The following NRXN1 variants were observed in gnomAD, a reference collection of about 807,000 sequenced individuals.
NRXN1 encodes neurexin 1.
A neutral mutation model predicts 150.9 loss-of-function variants in NRXN1; 39 were observed. The observed-to-expected ratio is 0.26, with a 90% CI of 0.20 to 0.34. NRXN1 has a LOEUF of 0.34. NRXN1 is among the 10% of genes least tolerant of loss of function. NRXN1 has a pLI of 1.00. For synonymous variants in NRXN1, 924 were observed against 757.0 expected (o/e 1.22, Z -3.62); for missense variants, 1,815 against 1,949.9 (o/e 0.93, Z 1.30).
intron 5 of NRXN1, among the ~76,000 whole-genome samples, chr2:50,806,260 C>A (rs1016456243): frequency 5.3e-5 from 8 of 152,116 alleles, no homozygotes. Context: ...TGTGTATCAG[C>A]TTGAGTTGGA....
chr2:50,398,841 T>C (rs79538981), intron 17 of NRXN1, among the ~76,000 whole-genome samples: 2,235 of 152,254 alleles, frequency 0.015, 55 homozygotes, highest in African/African-American at 0.049. Context: ...GTATGCTATT[T>C]AATTATCAGC....
intron 8 of NRXN1, among the ~76,000 whole-genome samples, chr2:50,571,608 C>A (rs1175058265): frequency 6.6e-6 from 1 of 151,344 alleles, no homozygotes; most frequent in Non-Finnish European, 1.5e-5. Flanking sequence ...ATAGTGAGAT[C>A]ATAAAATGAG....
intron 5 of NRXN1, among the ~76,000 whole-genome samples, chr2:50,751,253 A>G (rs1700563120): frequency 6.6e-6 from 1 of 152,064 alleles, no homozygotes; most frequent in South Asian, 2.1e-4. Flanking sequence ...TATTACATGA[A>G]TATTTAGTTT....
At chr2:50,071,180 G>C (rs1344099574) in intron 19 of NRXN1, among the ~76,000 whole-genome samples, 2 of 152,124 alleles carry the variant, frequency 1.3e-5, no homozygotes, top group Non-Finnish European at 2.9e-5. Flanking sequence ...GTATAACTCT[G>C]GCCTGATTAA....
intron 17 of NRXN1, among the ~76,000 whole-genome samples, chr2:50,326,260 C>T (rs1478348177): frequency 6.6e-6 from 1 of 152,034 alleles, no homozygotes; most frequent in East Asian, 1.9e-4. Context: ...CAAGCAATTT[C>T]AACTAAAACT....
intron 5 of NRXN1, among the ~76,000 whole-genome samples, chr2:50,652,155 T>C (rs1253338502): frequency 6.6e-6 from 1 of 152,018 alleles, no homozygotes; most frequent in African/African-American, 2.4e-5. Context: ...GCCATCCCCA[T>C]CCCTTTTTGA....
At chr2:50,222,922 T>C (rs1167273134) in intron 18 of NRXN1, among the ~76,000 whole-genome samples, 1 of 151,992 alleles carries the variant, frequency 6.6e-6, no homozygotes, top group African/African-American at 2.4e-5. Flanking sequence ...GGGTATATTA[T>C]ATGCTGTTTT....
intron 5 of NRXN1, among the ~76,000 whole-genome samples, chr2:50,646,708 C>CTTTTTTTTTTT (rs552231598): frequency 8.4e-5 from 9 of 107,438 alleles, no homozygotes; most frequent in East Asian, 2.9e-4. Flanking sequence ...TTCATGTTGT[C>CTTTTTTTTTTT]TTTTTTTTTT....
At chr2:50,357,559 C>T (rs539628848) in intron 17 of NRXN1, among the ~76,000 whole-genome samples, 1 of 152,174 alleles carries the variant, frequency 6.6e-6, no homozygotes, top group Non-Finnish European at 1.5e-5. Flanking sequence ...CCACTCACCT[C>T]GGCCTCCCAA....
chr2:50,371,176 A>T (rs891106454), intron 17 of NRXN1, among the ~76,000 whole-genome samples: 1 of 152,032 alleles, frequency 6.6e-6, no homozygotes, highest in Non-Finnish European at 1.5e-5. Context: ...GTCTTTTATT[A>T]CAAAGGGCAT....
chr2:50,127,012 A>G (rs964877889), intron 18 of NRXN1, among the ~76,000 whole-genome samples: 7 of 152,180 alleles, frequency 4.6e-5, no homozygotes, highest in Admixed American at 4.6e-4. Context: ...TTATACGACC[A>G]TGATTCTCAT....
intron 17 of NRXN1, among the ~76,000 whole-genome samples, chr2:50,404,216 T>C (rs2082595216): frequency 6.6e-6 from 1 of 152,082 alleles, no homozygotes; most frequent in Non-Finnish European, 1.5e-5. Flanking sequence ...GTCATAGCTA[T>C]GCTCTATTTA....
At chr2:50,017,234 C>T in intron 21 of NRXN1, among the ~76,000 whole-genome samples, 1 of 152,076 alleles carries the variant, frequency 6.6e-6, no homozygotes, top group East Asian at 1.9e-4. Flanking sequence ...ATTATTTATG[C>T]CTTATAATAT....
intron 19 of NRXN1, among the ~76,000 whole-genome samples, chr2:50,088,250 G>A (rs184835836): frequency 7.2e-5 from 11 of 152,256 alleles, no homozygotes; most frequent in African/African-American, 1.7e-4. Flanking sequence ...TTATGGCACC[G>A]TTGCAGATGA....
intron 5 of NRXN1, among the ~76,000 whole-genome samples, chr2:50,892,069 A>G (rs1681151000): frequency 6.6e-6 from 1 of 152,098 alleles, no homozygotes; most frequent in Non-Finnish European, 1.5e-5. Context: ...TAGGGAAAGA[A>G]AGGAAAGAGG....
At chr2:50,174,708 A>G (rs556180257) in intron 18 of NRXN1, 126 of 152,282 alleles carry the variant, frequency 8.3e-4, no homozygotes, top group African/African-American at 3.0e-3. Flanking sequence ...ATACCTTATA[A>G]TGTTGTTGGA....
intron 18 of NRXN1, among the ~76,000 whole-genome samples, chr2:50,144,713 G>C (rs1418013149): frequency 6.6e-6 from 1 of 151,644 alleles, no homozygotes; most frequent in East Asian, 1.9e-4. Flanking sequence ...CTGTAAGAAA[G>C]AAAATTAAAG....
At chr2:50,936,119 G>C (rs1688508449) in intron 2 of NRXN1, among the ~76,000 whole-genome samples, 2 of 152,068 alleles carry the variant, frequency 1.3e-5, no homozygotes, top group South Asian at 4.1e-4. Flanking sequence ...CATATGAGCT[G>C]TTGTTTGGAA....
At chr2:50,300,936 T>C (rs1432581781) in intron 17 of NRXN1, among the ~76,000 whole-genome samples, 1 of 152,106 alleles carries the variant, frequency 6.6e-6, no homozygotes, top group East Asian at 1.9e-4. Context: ...CCTCAGGTGA[T>C]CCACCCTTCT....
Sources: gnomAD v4.1 joint callset for allele counts (sites outside exome capture counted in the v4.1 genomes callset) on GRCh38, gnomAD v4.1.1 for gene constraint, MANE v1.5 for transcripts, NCBI Gene and HGNC (gene_info 2026-07-23, HGNC 2026-07-21) for gene names.